SSBP2: variants seen among roughly 807,000 people sequenced by gnomAD.
The protein encoded by SSBP2 is single stranded DNA binding protein 2.
A neutral mutation model predicts 61.8 loss-of-function variants in SSBP2; 17 were observed. The ratio of observed to expected loss-of-function variants is 0.28; its 90% CI spans 0.19 to 0.41. The LOEUF (loss-of-function observed/expected upper bound fraction) is 0.41, where lower values mean the gene tolerates loss of function less well. Among genes scored for constraint, SSBP2 ranks in the 10% least tolerant of loss-of-function variants. The pLI, the probability that SSBP2 is intolerant of heterozygous loss-of-function variation, is 1.00. For missense variants in SSBP2, 310 were observed against 458.7 expected (o/e 0.68, Z 2.96); for synonymous variants, 139 against 141.3 (o/e 0.98, Z 0.12).
At chr5:81,707,016 G>T (rs1407466976) in intron 1 of SSBP2, among the ~76,000 whole-genome samples, 1 of 152,078 alleles carries the variant, frequency 6.6e-6, no homozygotes, top group Non-Finnish European at 1.5e-5. Context: ...ATAAATACGG[G>T]TTATTTCCAC....
intron 1 of SSBP2, among the ~76,000 whole-genome samples, chr5:81,748,082 CA>C (rs1757468113): frequency 6.6e-6 from 1 of 152,000 alleles, no homozygotes; most frequent in South Asian, 2.1e-4. Context: ...TAATGAAAGA[CA>C]AAACAAAGAT....
At chr5:81,481,786 G>A (rs1766010589) in intron 6 of SSBP2, among the ~76,000 whole-genome samples, 1 of 151,458 alleles carries the variant, frequency 6.6e-6, no homozygotes. Flanking sequence ...TATAAGATGT[G>A]TTACCAAGGA....
At chr5:81,728,713 CTTGA>C (rs1326702508) in intron 1 of SSBP2, among the ~76,000 whole-genome samples, 5 of 152,238 alleles carry the variant, frequency 3.3e-5, no homozygotes, top group South Asian at 2.1e-4. Context: ...ATTCTGGTTG[CTTGA>C]TTGATGTCTG....
At chr5:81,554,374 C>G (rs1051420009) in intron 4 of SSBP2, among the ~76,000 whole-genome samples, 2 of 151,400 alleles carry the variant, frequency 1.3e-5, no homozygotes, top group Non-Finnish European at 2.9e-5. Context: ...CATGGTCATA[C>G]TAGTTAGTGG....
intron 1 of SSBP2, among the ~76,000 whole-genome samples, chr5:81,650,557 T>C (rs1337030720): frequency 6.6e-6 from 1 of 152,088 alleles, no homozygotes; most frequent in African/African-American, 2.4e-5. Flanking sequence ...ACAAATGTAT[T>C]TTTTCTTGGC....
At position 81,601,715 on chromosome 5, in the gene SSBP2, G is replaced by A. The variant is rs189728171; in HGVS notation, c.282+13758C>T. ...CCCAATATAAAATATACTCACCCCC[G>A]TCCCCATAATCACCAAAGCATCTTC... On this transcript the variant is annotated intron_variant, in intron 4 of 16. Transcript: ENST00000320672. 2.0e-3 allele frequency among the ~76,000 whole-genome samples: 301 copies of A among 152,088 alleles called. 1 individual carries two copies. The highest frequency in any genetic ancestry group is 3.9e-3 in the African/African-American group (162 of 41,494).
At chr5:81,596,825 T>A (rs530431788) in intron 4 of SSBP2, among the ~76,000 whole-genome samples, 130 of 144,506 alleles carry the variant, frequency 9.0e-4, no homozygotes, top group African/African-American at 3.1e-3. Flanking sequence ...TTACACCTTA[T>A]ACAAAAATTA....
At chr5:81,646,643 G>A (rs1331711995) in intron 2 of SSBP2, among the ~76,000 whole-genome samples, 1 of 145,152 alleles carries the variant, frequency 6.9e-6, no homozygotes, top group Non-Finnish European at 1.5e-5. Flanking sequence ...TCCATGGTTA[G>A]GGCAAAAGGG....
chr5:81,590,048 C>A (rs910411063), intron 4 of SSBP2, among the ~76,000 whole-genome samples: 2 of 152,126 alleles, frequency 1.3e-5, no homozygotes, highest in African/African-American at 4.8e-5. Flanking sequence ...TCATACCACA[C>A]CAGGACCTAT....
chr5:81,503,307 A>G (rs1363147016), intron 5 of SSBP2, among the ~76,000 whole-genome samples: 4 of 152,114 alleles, frequency 2.6e-5, no homozygotes, highest in African/African-American at 9.7e-5. Context: ...ACAAAAAATT[A>G]GCCGGGTGTG....
intron 4 of SSBP2, among the ~76,000 whole-genome samples, chr5:81,580,531 G>T (rs920468624): frequency 1.3e-5 from 2 of 151,932 alleles, no homozygotes; most frequent in African/African-American, 4.8e-5. Context: ...ACCCAACCCC[G>T]ATGTTTATAT....
At chr5:81,434,633 C>CAAAAAAAAAAAAAAAAAAAAAAAAAAA (rs34269591) in intron 15 of SSBP2, among the ~76,000 whole-genome samples, 2 of 43,022 alleles carry the variant, frequency 4.6e-5, no homozygotes, top group African/African-American at 9.4e-5. Context: ...ACTCTTGACT[C>CAAAAAAAAAAAAAAAAAAAAAAAAAAA]AAAAAAAAAA....
chr5:81,574,959 G>A (rs1403150469), intron 4 of SSBP2, among the ~76,000 whole-genome samples: 1 of 152,170 alleles, frequency 6.6e-6, no homozygotes, highest in African/African-American at 2.4e-5. Flanking sequence ...TCTTCAGAAG[G>A]AAAGAGAATA....
At chr5:81,651,127 C>T (rs1413384761) in intron 1 of SSBP2, among the ~76,000 whole-genome samples, 3 of 152,006 alleles carry the variant, frequency 2.0e-5, no homozygotes, top group Non-Finnish European at 4.4e-5. Context: ...ATTCATAAAC[C>T]CAAATTAGTC....
At chr5:81,643,903 C>A (rs1749040610) in intron 2 of SSBP2, among the ~76,000 whole-genome samples, 1 of 151,992 alleles carries the variant, frequency 6.6e-6, no homozygotes, top group Non-Finnish European at 1.5e-5. Flanking sequence ...GCGCCTGGCC[C>A]AAATTTTTAC....
intron 1 of SSBP2, among the ~76,000 whole-genome samples, chr5:81,728,638 C>T (rs1166211984): frequency 6.6e-6 from 1 of 151,902 alleles, no homozygotes; most frequent in Admixed American, 6.6e-5. Flanking sequence ...ATAATTTGGG[C>T]GAGGAAAGCT....
chr5:81,699,895 A>G (rs1753858971), intron 1 of SSBP2, among the ~76,000 whole-genome samples: 1 of 139,230 alleles, frequency 7.2e-6, no homozygotes, highest in Non-Finnish European at 1.5e-5. Flanking sequence ...CTGCTCTGTC[A>G]CCCAGGCTGG....
At chr5:81,751,367 G>A (rs1757762542), upstream of SSBP2, 1 of 481,354 alleles carries the variant, frequency 2.1e-6, no homozygotes. Context: ...TCCGAACCCG[G>A]GCGCAAGGGG....
At chr5:81,544,363 T>C (rs1644772383) in intron 4 of SSBP2, among the ~76,000 whole-genome samples, 2 of 152,144 alleles carry the variant, frequency 1.3e-5, no homozygotes, top group African/African-American at 2.4e-5. Flanking sequence ...TATTTCTTAT[T>C]GTCAAGTGAA....
Sources: gnomAD v4.1 joint callset for allele counts (sites outside exome capture counted in the v4.1 genomes callset) on GRCh38, gnomAD v4.1.1 for gene constraint, MANE v1.5 for transcripts, NCBI Gene and HGNC (gene_info 2026-07-23, HGNC 2026-07-21) for gene names.